The following FBLN2 variants were observed in gnomAD, a reference collection of about 807,000 sequenced individuals.
FBLN2 encodes the protein fibulin-2.
Under a neutral mutation model 123.7 loss-of-function variants are expected in FBLN2, and 81 were observed. The ratio of observed to expected loss-of-function variants is 0.65; its 90% CI spans 0.55 to 0.79. The LOEUF (loss-of-function observed/expected upper bound fraction) is 0.79. Among genes scored for constraint, FBLN2 ranks in the 30% least tolerant of loss-of-function variants. FBLN2 has a pLI of 0.00. For missense variants in FBLN2, 1,603 were observed against 1,681.3 expected (o/e 0.95, Z 0.81); for synonymous variants, 699 against 701.4 (o/e 1.00, Z 0.05).
chr3:13,550,021 T>G (rs998343979), intron 1 of FBLN2, among the ~76,000 whole-genome samples: 2 of 152,234 alleles, frequency 1.3e-5, no homozygotes, highest in African/African-American at 4.8e-5. Context: ...CTCCATCATA[T>G]GTATCACACA....
At chr3:13,562,663 C>T (rs1287667971) in intron 1 of FBLN2, among the ~76,000 whole-genome samples, 1 of 152,200 alleles carries the variant, frequency 6.6e-6, no homozygotes, top group African/African-American at 2.4e-5. Context: ...ACCATTTTAA[C>T]CTGCTTGAGT....
chr3:13,555,190 G>A (rs1201085421), intron 1 of FBLN2, among the ~76,000 whole-genome samples: 1 of 151,928 alleles, frequency 6.6e-6, no homozygotes, highest in East Asian at 1.9e-4. Context: ...GACCTCAGGT[G>A]ATCCACCTGT....
chr3:13,575,718 T>C (rs1704117716), intron 2 of FBLN2, among the ~76,000 whole-genome samples: 1 of 152,036 alleles, frequency 6.6e-6, no homozygotes, highest in African/African-American at 2.4e-5. Context: ...GCTGCTTCTA[T>C]TTCAGAAACC....
chr3:13,618,922 C>A lies in FBLN2; in HGVS notation c.1958C>A (p.Pro653Gln). ...TCRPEGHPPQ[P>Q]EAPQEPALKS... ...ATGACAGAGGGTCACCCTCCACAGCCGGAAGCCCCACAGGAGCCTGCACTG... is the reference window on the plus strand; with the variant it reads ...ATGACAGAGGGTCACCCTCCACAGCAGGAAGCCCCACAGGAGCCTGCACTG... Residue 653 changes from proline to glutamine, a missense_variant, in exon 7 of 18, where the codon CCG becomes CAG. By Grantham distance (76) the Pro-to-Gln change is moderately conservative. Transcript: ENST00000404922. The A allele has an allele frequency of 2.5e-6, 4 of 1,613,120 alleles. No individual in the cohort carries two copies. Among genetic ancestry groups the A allele is most frequent in the Non-Finnish European group, 3.4e-6 (4 of 1,179,594 alleles).
At chr3:13,570,029 A>T in intron 1 of FBLN2, among the ~76,000 whole-genome samples, 1 of 152,024 alleles carries the variant, frequency 6.6e-6, no homozygotes, top group South Asian at 2.1e-4. Flanking sequence ...CTCAGAATGC[A>T]GGTGAGGATG....
At chr3:13,629,385 G>T in intron 13 of FBLN2, 93 bp downstream of exon 13, 1 of 1,431,514 alleles carries the variant, frequency 7.0e-7, no homozygotes. Context: ...CACCTCCACT[G>T]CCTGAGTGGG....
intron 1 of FBLN2, among the ~76,000 whole-genome samples, chr3:13,550,951 G>C (rs1703305508): frequency 6.6e-6 from 1 of 152,208 alleles, no homozygotes; most frequent in Non-Finnish European, 1.5e-5. Context: ...TCACGTAAAA[G>C]TCCGGATTTC....
At chr3:13,562,313 T>G (rs555033958) in intron 1 of FBLN2, among the ~76,000 whole-genome samples, 1 of 152,308 alleles carries the variant, frequency 6.6e-6, no homozygotes, top group South Asian at 2.1e-4. Context: ...CATTTGTGAT[T>G]ATTGTCCTTT....
chr3:13,627,179 C>G (rs4684967), intron 10 of FBLN2, among the ~76,000 whole-genome samples: 1 of 151,620 alleles, frequency 6.6e-6, no homozygotes, highest in Non-Finnish European at 1.5e-5. Context: ...GAGGAGGTGA[C>G]GTTGGAGTTG....
At chr3:13,569,274 G>A (rs577478479) in intron 1 of FBLN2, among the ~76,000 whole-genome samples, 31 of 150,268 alleles carry the variant, frequency 2.1e-4, no homozygotes, top group African/African-American at 7.8e-4. Context: ...CTCCTGCAGG[G>A]CCTTGAGTGC....
intron 2 of FBLN2, among the ~76,000 whole-genome samples, chr3:13,572,319 C>T (rs1219402498): frequency 6.6e-6 from 1 of 152,234 alleles, no homozygotes; most frequent in Non-Finnish European, 1.5e-5. Flanking sequence ...ATGGAGGCCC[C>T]TCTCCGAGCT....
intron 2 of FBLN2, among the ~76,000 whole-genome samples, chr3:13,581,427 G>A (rs1199920356): frequency 2.6e-5 from 4 of 152,154 alleles, no homozygotes; most frequent in African/African-American, 7.2e-5. Context: ...GGAGCTCTCT[G>A]GGCTGAAGTA....
chr3:13,615,237 G>C (rs1222300429), intron 5 of FBLN2, among the ~76,000 whole-genome samples: 1 of 152,252 alleles, frequency 6.6e-6, no homozygotes, highest in East Asian at 1.9e-4. Context: ...CATGGGCCTT[G>C]GTGGCCCTGG....
chr3:13,630,395 G>GCGAGGGGC (rs1364771626), intron 14 of FBLN2, among the ~76,000 whole-genome samples: 1 of 152,246 alleles, frequency 6.6e-6, no homozygotes, highest in Non-Finnish European at 1.5e-5. Flanking sequence ...CAGTGAGGGG[G>GCGAGGGGC]CGAGGGGCCA....
At position 13,619,659 on chromosome 3, in the gene FBLN2, G is replaced by C. The variant is rs898121202; in HGVS notation, c.2054-71G>C. 1.3e-5 allele frequency: 17 copies of C among 1,294,682 alleles called. 1 individual carries two copies. The highest frequency in any genetic ancestry group is 1.9e-5 in the Non-Finnish European group (17 of 910,824). The allele number at this position is 1,294,682 out of a possible 1,614,324, so 80.2% of individuals were successfully genotyped here. A position where few individuals can be genotyped will look rare whatever the true frequency, so the allele number is the denominator to read the frequency against. ...GTCTCACTAGTAGGTTAGAGCCAGGGATGGGGAATGAGCCAGTGTGGACCA... is the reference window on the plus strand; with the variant it reads ...GTCTCACTAGTAGGTTAGAGCCAGGCATGGGGAATGAGCCAGTGTGGACCA... On this transcript the variant is annotated intron_variant, in intron 7 of 17. Transcript: ENST00000404922.
chr3:13,597,577 C>T (rs1367564949), intron 2 of FBLN2, among the ~76,000 whole-genome samples: 1 of 152,194 alleles, frequency 6.6e-6, no homozygotes, highest in Non-Finnish European at 1.5e-5. Context: ...GGTTATTGCA[C>T]GTGGTGGCAG....
chr3:13,617,937 T>A (rs1379124618), intron 5 of FBLN2, 139 bp from the exon 6 acceptor site: 115 of 535,726 alleles, frequency 2.1e-4, no homozygotes, highest in East Asian at 3.0e-4. Context: ...CATCCATCCA[T>A]CCTGCTTCAT....
chr3:13,581,711 C>G (rs1221685098), intron 2 of FBLN2, among the ~76,000 whole-genome samples: 2 of 152,106 alleles, frequency 1.3e-5, no homozygotes, highest in Non-Finnish European at 2.9e-5. Flanking sequence ...AGTGGGTGCC[C>G]CCGTGCCTGA....
At chr3:13,609,689 C>CGGGGGGGGGGGGGG in intron 4 of FBLN2, 47 bp downstream of exon 4, 1 of 428,812 alleles carries the variant, frequency 2.3e-6, no homozygotes, top group Non-Finnish European at 4.6e-6. Flanking sequence ...TGGGGCGGGG[C>CGGGGGGGGGGGGGG]GGGAGGCTGG....
Sources: allele counts gnomAD v4.1 joint callset (sites outside exome capture counted in the v4.1 genomes callset), GRCh38; gene constraint gnomAD v4.1.1; transcripts MANE v1.5; gene names NCBI Gene and HGNC (gene_info 2026-07-23, HGNC 2026-07-21).